RANBP9: variants seen among roughly 807,000 people sequenced by gnomAD.
RANBP9 encodes the protein RAN binding protein 9.
Under a neutral mutation model 84.3 loss-of-function variants are expected in RANBP9, and 15 were observed. That is an observed-to-expected ratio of 0.18 (90% CI 0.12 to 0.27). The LOEUF (loss-of-function observed/expected upper bound fraction) is 0.27, where lower values mean the gene tolerates loss of function less well. RANBP9 is among the 10% of genes least tolerant of loss of function. The pLI, the probability that RANBP9 is intolerant of heterozygous loss-of-function variation, is 1.00. For synonymous variants in RANBP9, 392 were observed against 349.6 expected, an observed-to-expected ratio of 1.12 and a Z score of -1.35; for missense variants, 809 against 912.8, an observed-to-expected ratio of 0.89 and a Z score of 1.46.
chr6:13,628,122 TA>T (rs1378695476), intron 12 of RANBP9, among the ~76,000 whole-genome samples: 460 of 152,334 alleles, frequency 3.0e-3, no homozygotes, highest in African/African-American at 0.01. Flanking sequence ...AATAATCATC[TA>T]AAGTTGTTAT....
At chr6:13,661,501 A>G (rs1584929326) in intron 2 of RANBP9, among the ~76,000 whole-genome samples, 1 of 152,248 alleles carries the variant, frequency 6.6e-6, no homozygotes, top group South Asian at 2.1e-4. Flanking sequence ...AAAAAAAATG[A>G]GAAAAAAAGA....
chr6:13,673,622 T>G (rs924629372), intron 2 of RANBP9, among the ~76,000 whole-genome samples: 11 of 151,380 alleles, frequency 7.3e-5, no homozygotes, highest in African/African-American at 2.7e-4. Context: ...GAGGGAGGAG[T>G]TGGTTATATT....
intron 2 of RANBP9, among the ~76,000 whole-genome samples, chr6:13,670,939 G>A (rs532743482): frequency 1.2e-3 from 180 of 152,082 alleles, no homozygotes; most frequent in African/African-American, 4.1e-3. Flanking sequence ...ATATCTGATA[G>A]GGTAACTTTT....
intron 2 of RANBP9, among the ~76,000 whole-genome samples, chr6:13,681,936 G>GCAAC (rs1562316467): frequency 6.6e-6 from 1 of 151,996 alleles, no homozygotes; most frequent in African/African-American, 2.4e-5. Flanking sequence ...TTGGCTCACT[G>GCAAC]CAACCTCCAC....
At chr6:13,654,861 C>T (rs534938991) in intron 4 of RANBP9, among the ~76,000 whole-genome samples, 3 of 152,188 alleles carry the variant, frequency 2.0e-5, no homozygotes, top group Non-Finnish European at 4.4e-5. Flanking sequence ...GAACCTAGCT[C>T]AGGGGCTGAC....
intron 2 of RANBP9, among the ~76,000 whole-genome samples, chr6:13,686,101 C>T (rs112904946): frequency 0.6 from 14,049 of 23,358 alleles, 2,935 homozygotes; most frequent in Non-Finnish European, 0.61. Context: ...AAAATTTCTT[C>T]CCCCCCCCCC....
chr6:13,706,493 G>A (rs1282468137), intron 1 of RANBP9, among the ~76,000 whole-genome samples: 1 of 150,284 alleles, frequency 6.7e-6, no homozygotes, highest in Non-Finnish European at 1.5e-5. Flanking sequence ...AAGAGATCGA[G>A]ACCATCCTGG....
At chr6:13,666,628 A>AAAAAAAAAAAAAAAAAAAAAAAAAAAAG in intron 2 of RANBP9, among the ~76,000 whole-genome samples, 1 of 129,432 alleles carries the variant, frequency 7.7e-6, no homozygotes, top group African/African-American at 3.0e-5. Flanking sequence ...AAAAAAAAAA[A>AAAAAAAAAAAAAAAAAAAAAAAAAAAAG]GATTGGCAGG....
At chr6:13,634,591 T>C (rs761157740) in intron 10 of RANBP9, 39 bp from the exon 11 acceptor site, 2 of 1,560,436 alleles carry the variant, frequency 1.3e-6, no homozygotes, top group East Asian at 2.3e-5. Context: ...AGAAATATCA[T>C]ACTTGCAGCT....
At chr6:13,657,039 C>A (rs549636027) in intron 4 of RANBP9, 70 bp downstream of exon 4, 1 of 1,372,216 alleles carries the variant, frequency 7.3e-7, no homozygotes, top group Non-Finnish European at 9.9e-7. Flanking sequence ...ATAATAAATA[C>A]AACTACCATC....
chr6:13,705,875 A>AAAAG (rs1554107632), intron 1 of RANBP9, among the ~76,000 whole-genome samples: 1 of 150,074 alleles, frequency 6.7e-6, no homozygotes, highest in African/African-American at 2.5e-5. Flanking sequence ...TCTCAAAAAA[A>AAAAG]AAAAAAAAAA....
chr6:13,641,429 C>A (rs1765060286), intron 7 of RANBP9, 122 bp from the exon 8 acceptor site: 3 of 614,442 alleles, frequency 4.9e-6, no homozygotes, highest in East Asian at 3.2e-5. Flanking sequence ...ATTTCAATTT[C>A]TTTCTCTAAC....
At chr6:13,637,121 T>C (rs1399720298) in intron 10 of RANBP9, among the ~76,000 whole-genome samples, 2 of 152,206 alleles carry the variant, frequency 1.3e-5, no homozygotes, top group Non-Finnish European at 2.9e-5. Context: ...CATGAACTTT[T>C]AGGTTTCATA....
chr6:13,666,327 CA>C (rs1177886086), intron 2 of RANBP9, among the ~76,000 whole-genome samples: 6 of 151,426 alleles, frequency 4.0e-5, no homozygotes, highest in Non-Finnish European at 8.8e-5. Flanking sequence ...ATACGAGTTT[CA>C]AAAAAACCAC....
At chr6:13,706,477 G>A (rs1380181749) in intron 1 of RANBP9, among the ~76,000 whole-genome samples, 2 of 148,892 alleles carry the variant, frequency 1.3e-5, no homozygotes, top group African/African-American at 5.0e-5. Context: ...GGCAGATCAC[G>A]AGGTCAAGAG....
rs762562306 is a variant in RANBP9 at position 13,711,132 on chromosome 6, G to A, written c.374C>T (p.Ala125Val). The A allele has an allele frequency of 6.5e-6, 10 of 1,536,586 alleles. No homozygotes were observed. The highest frequency in any genetic ancestry group is 1.8e-4 in the Middle Eastern group (1 of 5,582). ...AGGAPTPALV[A>V]GSSAAAPFPH... Reference sequence around the variant, plus strand: ...GAAGGGGGCCGCGGCGCTGCTGCCCGCCACCAGAGCTGGGGTCGGGGCTCC... The same window carrying A: ...GAAGGGGGCCGCGGCGCTGCTGCCCACCACCAGAGCTGGGGTCGGGGCTCC... The change falls in exon 1 of 14, where the codon GCG becomes GTG. Residue 125 changes from alanine (A) to valine (V), a missense_variant. Ala to Val is a moderately conservative substitution (Grantham distance 64, BLOSUM62 0). Coordinates refer to ENST00000011619, the MANE Select transcript of RANBP9 (RefSeq NM_005493.3).
chr6:13,627,630 CAAAAA>C (rs35401168), intron 12 of RANBP9, among the ~76,000 whole-genome samples: 743 of 66,424 alleles, frequency 0.011, 14 homozygotes, highest in African/African-American at 0.039. Context: ...ACTCCATCTC[CAAAAA>C]AAAAAAAAAA....
Position 13,622,406 on chromosome 6 carries a change from T to C in RANBP9, c.2146A>G (p.Ile716Val), listed in dbSNP as rs779478821. The C allele has an allele frequency of 1.2e-6, 2 of 1,601,146 alleles. No individual in the cohort carries two copies. The highest frequency in any genetic ancestry group is 2.3e-5 in the East Asian group (1 of 44,410). ...QCLGLMARSG[I>V]GSCAFATVED... is the part of the protein sequence containing the mutation. ...ACTGTGGCAAATGCGCAGGATCCAA[T>C]TCCTGATCGAGCCATCAGTCCTAGA... The change falls in exon 14 of 14, where the codon ATT becomes GTT. Residue 716 changes from isoleucine to valine, a missense_variant. Coordinates refer to ENST00000011619, the MANE Select transcript of RANBP9 (RefSeq NM_005493.3).
intron 2 of RANBP9, among the ~76,000 whole-genome samples, chr6:13,677,302 A>G (rs1246984021): frequency 6.6e-6 from 1 of 152,210 alleles, no homozygotes; most frequent in African/African-American, 2.4e-5. Context: ...AATATTGACA[A>G]AATTGATACC....
Sources: allele counts gnomAD v4.1 joint callset (sites outside exome capture counted in the v4.1 genomes callset), GRCh38; gene constraint gnomAD v4.1.1; transcripts MANE v1.5; gene names NCBI Gene and HGNC (gene_info 2026-07-23, HGNC 2026-07-21).